The following DLGAP1 variants were observed in gnomAD, a reference collection of about 807,000 sequenced individuals.
DLGAP1 encodes disks large-associated protein 1.
A neutral mutation model predicts 90.8 loss-of-function variants in DLGAP1; 11 were observed. That is an observed-to-expected ratio of 0.12 (90% confidence interval 0.08 to 0.20). The LOEUF is 0.20. DLGAP1 is among the 10% of genes least tolerant of loss of function. The pLI is 1.00. For missense variants in DLGAP1, 1,050 were observed against 1,333.8 expected, an observed-to-expected ratio of 0.79 and a Z score of 3.31; for synonymous variants, 558 against 540.7, an observed-to-expected ratio of 1.03 and a Z score of -0.44.
chr18:4,314,874 T>TA (rs1404670188), intron 1 of DLGAP1, among the ~76,000 whole-genome samples: 1 of 152,178 alleles, frequency 6.6e-6, no homozygotes, highest in Non-Finnish European at 1.5e-5. Context: ...AGCCTACAGA[T>TA]ACAGAGAATA....
chr18:3,681,889 G>A (rs1430030986), intron 7 of DLGAP1, among the ~76,000 whole-genome samples: 1 of 152,054 alleles, frequency 6.6e-6, no homozygotes, highest in African/African-American at 2.4e-5. Flanking sequence ...AGGCTGAGGT[G>A]GGTGGATCAC....
At chr18:3,975,775 A>G (rs2073558686) in intron 3 of DLGAP1, among the ~76,000 whole-genome samples, 1 of 152,222 alleles carries the variant, frequency 6.6e-6, no homozygotes, top group Non-Finnish European at 1.5e-5. Flanking sequence ...ATCCTACGAC[A>G]TGGATGAACC....
At chr18:4,170,985 G>C (rs1161306648) in intron 1 of DLGAP1, among the ~76,000 whole-genome samples, 2 of 152,016 alleles carry the variant, frequency 1.3e-5, no homozygotes, top group Non-Finnish European at 2.9e-5. Context: ...GAATTTTAAG[G>C]CTTAAATTTG....
intron 1 of DLGAP1, among the ~76,000 whole-genome samples, chr18:4,183,155 T>C (rs895541744): frequency 1.3e-5 from 2 of 152,134 alleles, no homozygotes; most frequent in Admixed American, 1.3e-4. Context: ...TTCTTGGCAT[T>C]TTGAATATGC....
intron 1 of DLGAP1, among the ~76,000 whole-genome samples, chr18:4,349,478 G>T (rs909304570): frequency 2.6e-5 from 4 of 152,014 alleles, no homozygotes; most frequent in Admixed American, 2.6e-4. Flanking sequence ...AGGGTAGAAT[G>T]GTGGCTACAA....
At chr18:4,126,116 C>T (rs2049160) in intron 2 of DLGAP1, among the ~76,000 whole-genome samples, 26,422 of 152,150 alleles carry the variant, frequency 0.17, 2,417 homozygotes, top group Admixed American at 0.23. Context: ...CCAAGGCAGC[C>T]TGCACCGAGC....
rs140781113 is a variant in DLGAP1 at position 3,717,484 on chromosome 18, C to T, written c.1591+11651G>A. Reference sequence around the variant, plus strand: ...TCTGCAGAAGTTAGCACTTACCAGTCTCTTGGATTCTTGCTATCACCCATT... The same window carrying T: ...TCTGCAGAAGTTAGCACTTACCAGTTTCTTGGATTCTTGCTATCACCCATT... On this transcript the variant is annotated intron_variant, in intron 7 of 12. Coordinates refer to ENST00000315677, the MANE Select transcript of DLGAP1 (RefSeq NM_004746.4). 1.6e-3 allele frequency among the ~76,000 whole-genome samples: 240 copies of T among 152,308 alleles called. 2 individuals carry two copies. The highest frequency in any genetic ancestry group is 5.4e-3 in the African/African-American group (226 of 41,578).
At chr18:3,523,075 C>T (rs1008670576) in intron 10 of DLGAP1, among the ~76,000 whole-genome samples, 2 of 152,062 alleles carry the variant, frequency 1.3e-5, no homozygotes, top group African/African-American at 4.8e-5. Flanking sequence ...AAAGGAAACA[C>T]TCAGCAAAAT....
intron 1 of DLGAP1, among the ~76,000 whole-genome samples, chr18:4,407,330 T>A (rs1283348349): frequency 1.3e-5 from 2 of 152,196 alleles, no homozygotes; most frequent in Non-Finnish European, 2.9e-5. Context: ...GATGTCATCT[T>A]TACACAGGTA....
At chr18:4,358,776 C>G (rs1041147405) in intron 1 of DLGAP1, among the ~76,000 whole-genome samples, 1 of 152,218 alleles carries the variant, frequency 6.6e-6, no homozygotes, top group Non-Finnish European at 1.5e-5. Flanking sequence ...GTGGCCACAG[C>G]TTACCTCTGT....
At chr18:4,311,561 C>G (rs534285290) in intron 1 of DLGAP1, among the ~76,000 whole-genome samples, 53 of 152,226 alleles carry the variant, frequency 3.5e-4, no homozygotes, top group African/African-American at 9.9e-4. Context: ...TTATTTTCTT[C>G]TTGAGATTTT....
At chr18:3,815,640 G>GA (rs1258598777) in intron 4 of DLGAP1, among the ~76,000 whole-genome samples, 1 of 152,098 alleles carries the variant, frequency 6.6e-6, no homozygotes, top group African/African-American at 2.4e-5. Context: ...GAGTTCAGCA[G>GA]AGCACTGCAC....
Position 4,454,937 on chromosome 18 carries a change from G to A in DLGAP1, c.-267+69C>T, listed in dbSNP as rs2083936925. 1 of 150,446 alleles carries A rather than the reference G, an allele frequency of 6.6e-6. No individual in the cohort carries two copies. Among genetic ancestry groups the A allele is most frequent in the African/African-American group, 2.4e-5 (1 of 41,204 alleles). 9.3% of individuals were successfully genotyped at this position (150,446 alleles called of 1,614,324 possible). On this transcript the variant is annotated intron_variant, in intron 1 of 12. Transcript: ENST00000315677. This position sits in a 1 kb window ranked among gnomAD's most constrained non-coding sequence, Gnocchi z 4.7. Reference sequence around the variant, plus strand: ...CGACCGCGCGGCAGGCAGCAGCCAGGAGCCACCCAGCGCGCCGCGACCGCC... The same window carrying A: ...CGACCGCGCGGCAGGCAGCAGCCAGAAGCCACCCAGCGCGCCGCGACCGCC...
intron 7 of DLGAP1, chr18:3,655,839 A>G (rs1011118470): frequency 9.1e-6 from 4 of 438,892 alleles, no homozygotes; most frequent in African/African-American, 8.0e-5. Context: ...CGAGGCAGTC[A>G]CATCAGGAGA....
chr18:4,112,751 C>A (rs937956866), intron 2 of DLGAP1, among the ~76,000 whole-genome samples: 1 of 152,034 alleles, frequency 6.6e-6, no homozygotes, highest in African/African-American at 2.4e-5. Context: ...TCAGCTCTTG[C>A]CCCTCACCTC....
chr18:4,414,178 C>T (rs2082841038), intron 1 of DLGAP1, among the ~76,000 whole-genome samples: 1 of 113,024 alleles, frequency 8.8e-6, no homozygotes, highest in Non-Finnish European at 1.8e-5. Context: ...AAATAGAATA[C>T]AAACATTCAA....
intron 3 of DLGAP1, among the ~76,000 whole-genome samples, chr18:3,956,638 A>G (rs925320308): frequency 6.7e-6 from 1 of 149,760 alleles, no homozygotes; most frequent in Non-Finnish European, 1.5e-5. Context: ...GTGAACCACC[A>G]CGCCCGGCCT....
rs1668752006 is a variant in DLGAP1 at position 3,951,753 on chromosome 18, C to A, written c.-73+53363G>T. 2.6e-5 allele frequency among the ~76,000 whole-genome samples: 4 copies of A among 152,150 alleles called. No individual in the cohort carries two copies. The South Asian group carries it at 8.3e-4, about 32-fold the overall frequency. ...GATAGTGAGCAAGTTCTTAAGAGAT[C>A]TGATGGTTTTATAAGGAGCTCTTCC... On this transcript the variant is annotated intron_variant, in intron 3 of 12. Transcript: ENST00000315677.
intron 1 of DLGAP1, among the ~76,000 whole-genome samples, chr18:4,267,037 T>C (rs539734812): frequency 6.8e-4 from 103 of 152,344 alleles, no homozygotes; most frequent in Middle Eastern, 3.4e-3. Context: ...CCTTACTCTT[T>C]TGCAACTATT....
Sources: allele counts gnomAD v4.1 joint callset (sites outside exome capture counted in the v4.1 genomes callset), GRCh38; gene constraint gnomAD v4.1.1; non-coding constraint Gnocchi (gnomAD v3.1); transcripts MANE v1.5; gene names NCBI Gene and HGNC (gene_info 2026-07-23, HGNC 2026-07-21).